The following PARD3 variants were observed in gnomAD, a reference collection of about 807,000 sequenced individuals.
PARD3 encodes the protein par-3 family cell polarity regulator.
PARD3 carries 75 observed loss-of-function variants against 155.4 expected under a neutral mutation model. That is an observed-to-expected ratio of 0.48 (90% CI 0.40 to 0.58). The LOEUF (loss-of-function observed/expected upper bound fraction) is 0.58. Among genes scored for constraint, PARD3 ranks in the 20% least tolerant of loss-of-function variants. PARD3 has a pLI of 0.00. For synonymous variants in PARD3, 576 were observed against 610.5 expected, an observed-to-expected ratio of 0.94 and a Z score of 0.83; for missense variants, 1,642 against 1,721.7, an observed-to-expected ratio of 0.95 and a Z score of 0.82.
chr10:34,583,878 A>T (rs1409556336), intron 2 of PARD3, among the ~76,000 whole-genome samples: 2 of 152,054 alleles, frequency 1.3e-5, no homozygotes, highest in Middle Eastern at 3.2e-3. Context: ...ATTGAAGATT[A>T]AAAAAAATCA....
At chr10:34,618,399 T>A (rs1320168321) in intron 2 of PARD3, among the ~76,000 whole-genome samples, 1 of 152,210 alleles carries the variant, frequency 6.6e-6, no homozygotes, top group Non-Finnish European at 1.5e-5. Context: ...ATAGCTTTTC[T>A]TAACTCTTGG....
intron 1 of PARD3, among the ~76,000 whole-genome samples, chr10:34,720,590 G>A (rs907193026): frequency 5.3e-5 from 8 of 151,998 alleles, no homozygotes; most frequent in Non-Finnish European, 8.8e-5. Context: ...CTGAGGTCAG[G>A]AGTTCAAGAC....
chr10:34,791,144 C>G (rs1487241297), intron 1 of PARD3, among the ~76,000 whole-genome samples: 1 of 152,232 alleles, frequency 6.6e-6, no homozygotes, highest in African/African-American at 2.4e-5. Flanking sequence ...CAAAACCTGG[C>G]TAGACATAAA....
chr10:34,245,954 G>T (rs1191304950), intron 22 of PARD3, among the ~76,000 whole-genome samples: 3 of 152,196 alleles, frequency 2.0e-5, no homozygotes, highest in African/African-American at 7.2e-5. Context: ...GAGAAACATA[G>T]ACAAGGGTGT....
chr10:34,282,245 A>G (rs1460984577), intron 21 of PARD3, among the ~76,000 whole-genome samples: 4 of 150,216 alleles, frequency 2.7e-5, no homozygotes, highest in African/African-American at 7.3e-5. Context: ...ATTTTCTTAA[A>G]TTATGAGCCT....
intron 22 of PARD3, among the ~76,000 whole-genome samples, chr10:34,259,944 A>G (rs557460841): frequency 6.6e-6 from 1 of 152,258 alleles, no homozygotes; most frequent in Non-Finnish European, 1.5e-5. Flanking sequence ...CCTGGACTCA[A>G]TGATCCTCCT....
intron 5 of PARD3, among the ~76,000 whole-genome samples, chr10:34,445,830 G>T (rs549667302): frequency 6.6e-6 from 1 of 151,578 alleles, no homozygotes; most frequent in South Asian, 2.1e-4. Context: ...ACCAACTTCT[G>T]GTCGTCACTC....
intron 2 of PARD3, among the ~76,000 whole-genome samples, chr10:34,618,020 G>GA (rs1224031474): frequency 5.9e-5 from 9 of 152,036 alleles, no homozygotes; most frequent in Non-Finnish European, 2.9e-5. Flanking sequence ...TATTCTGATG[G>GA]AAAAATCACT....
At chr10:34,276,267 T>C (rs1955874951) in intron 21 of PARD3, among the ~76,000 whole-genome samples, 1 of 152,018 alleles carries the variant, frequency 6.6e-6, no homozygotes, top group Admixed American at 6.6e-5. Context: ...AATAAAGTGT[T>C]CCATTATGAT....
intron 12 of PARD3, among the ~76,000 whole-genome samples, chr10:34,363,987 G>A (rs1255161579): frequency 6.6e-6 from 1 of 152,180 alleles, no homozygotes; most frequent in Non-Finnish European, 1.5e-5. Flanking sequence ...CAGAAAAGAT[G>A]TACATTTCTA....
At chr10:34,285,027 C>A (rs1428167913) in intron 20 of PARD3, among the ~76,000 whole-genome samples, 1 of 152,154 alleles carries the variant, frequency 6.6e-6, no homozygotes, top group East Asian at 1.9e-4. Flanking sequence ...GATACTCAAA[C>A]TTGGTATCAA....
intron 2 of PARD3, among the ~76,000 whole-genome samples, chr10:34,553,289 C>G (rs1249676088): frequency 6.6e-6 from 1 of 152,132 alleles, no homozygotes; most frequent in Non-Finnish European, 1.5e-5. Context: ...AGGCTTCCTC[C>G]CCAGTCTCTG....
At chr10:34,297,884 AT>A in intron 20 of PARD3, among the ~76,000 whole-genome samples, 1 of 152,304 alleles carries the variant, frequency 6.6e-6, no homozygotes, top group East Asian at 1.9e-4. Flanking sequence ...CCTATTCGGG[AT>A]TTAAACTACA....
intron 2 of PARD3, chr10:34,675,544 T>C (rs2093689232): frequency 6.6e-6 from 1 of 152,112 alleles, no homozygotes; most frequent in African/African-American, 2.4e-5. Context: ...CTCCCCAATA[T>C]GATATTTCAG....
chr10:34,367,332 A>G (rs1840059275), intron 12 of PARD3, among the ~76,000 whole-genome samples: 1 of 152,246 alleles, frequency 6.6e-6, no homozygotes, highest in Non-Finnish European at 1.5e-5. Flanking sequence ...CATTTATGAT[A>G]TAAAGAACAT....
chr10:34,790,679 A>G (rs1841520101), intron 1 of PARD3, among the ~76,000 whole-genome samples: 1 of 152,282 alleles, frequency 6.6e-6, no homozygotes. Context: ...TTAAAAGATG[A>G]AAAGTTTTAT....
intron 1 of PARD3, among the ~76,000 whole-genome samples, chr10:34,739,614 A>G (rs987796254): frequency 1.3e-5 from 2 of 152,146 alleles, no homozygotes; most frequent in East Asian, 1.9e-4. Context: ...CTCTTGCCCT[A>G]TAAGCATCAC....
At chr10:34,631,975 T>C (rs1486757190) in intron 2 of PARD3, among the ~76,000 whole-genome samples, 1 of 152,202 alleles carries the variant, frequency 6.6e-6, no homozygotes, top group Non-Finnish European at 1.5e-5. Context: ...CTCGTATTGA[T>C]GTTTAATTAG....
At chr10:34,231,266 C>CAAAA (rs57175956) in intron 22 of PARD3, among the ~76,000 whole-genome samples, 2,425 of 81,794 alleles carry the variant, frequency 0.03, 190 homozygotes, top group Non-Finnish European at 0.037. Context: ...TAATCTTAGG[C>CAAAA]AAAAAAAAAA....
Sources: gnomAD v4.1 joint callset for allele counts (sites outside exome capture counted in the v4.1 genomes callset) on GRCh38, gnomAD v4.1.1 for gene constraint, MANE v1.5 for transcripts, NCBI Gene and HGNC (gene_info 2026-07-23, HGNC 2026-07-21) for gene names.